The following PLCG2 variants were observed in gnomAD, a reference collection of about 807,000 sequenced individuals.
PLCG2 encodes the protein phospholipase C gamma 2, also known as 1-phosphatidylinositol 4,5-bisphosphate phosphodiesterase gamma-2.
Under a neutral mutation model 175.6 loss-of-function variants are expected in PLCG2, and 69 were observed. The ratio of observed to expected loss-of-function variants is 0.39; its 90% CI spans 0.32 to 0.48. PLCG2 has a LOEUF of 0.48. Ranked by LOEUF, PLCG2 falls within the 20% of genes least tolerant of loss-of-function variation. The pLI, the probability that PLCG2 is intolerant of heterozygous loss-of-function variation, is 0.91. For missense variants in PLCG2, 1,798 were observed against 1,650.9 expected, an observed-to-expected ratio of 1.09 and a Z score of -1.54; for synonymous variants, 827 against 624.0, an observed-to-expected ratio of 1.33 and a Z score of -4.85.
chr16:81,926,089 TG>T (rs35214525), intron 22 of PLCG2, among the ~76,000 whole-genome samples: 1 of 151,508 alleles, frequency 6.6e-6, no homozygotes, highest in African/African-American at 2.4e-5. Context: ...CTTAAATTAG[TG>T]GGGGGAAGTT....
chr16:81,850,132 A>G (rs2143458521), intron 2 of PLCG2, among the ~76,000 whole-genome samples: 1 of 152,340 alleles, frequency 6.6e-6, no homozygotes, highest in East Asian at 1.9e-4. Flanking sequence ...TATGCATTTT[A>G]TTTGTCTTCA....
intron 13 of PLCG2, among the ~76,000 whole-genome samples, chr16:81,899,131 A>G (rs912891176): frequency 6.6e-5 from 10 of 152,088 alleles, no homozygotes; most frequent in African/African-American, 1.9e-4. Flanking sequence ...GGAGGTTGCA[A>G]TGAGCTGAGG....
rs190687540 is a variant in PLCG2, at chr16:81,889,258, C to A, written c.852C>A (p.Phe284Leu). 15 of 1,596,834 alleles carry A rather than the reference C, an allele frequency of 9.4e-6. No individual in the cohort carries two copies. In the African/African-American group the frequency reaches 2.0e-4, roughly 22 times the overall value. Reference protein sequence around the residue: ...DDTMRETAEPFLFVDEFLTYL... With the variant: ...DDTMRETAEPLLFVDEFLTYL... The stretch of plus-strand genomic sequence containing the variant: ...CCATGCGTGAAACTGCTGAGCCTTT[C>A]TTGTTTGTGGATGAGGTGAGTAGGC... The change falls in exon 10 of 33, where the codon TTC (phenylalanine) becomes TTA (leucine). Residue 284 changes from phenylalanine (F) to leucine (L), a missense_variant. Phe to Leu is a conservative substitution (Grantham distance 22, BLOSUM62 0). Transcript: ENST00000564138.
chr16:81,850,500 T>C (rs1190519783), intron 2 of PLCG2, among the ~76,000 whole-genome samples: 1 of 152,140 alleles, frequency 6.6e-6, no homozygotes, highest in Admixed American at 6.5e-5. Flanking sequence ...TTACTGACCG[T>C]GCGTTCTTGG....
chr16:81,825,245 G>T (rs1904995828), intron 2 of PLCG2, among the ~76,000 whole-genome samples: 1 of 150,148 alleles, frequency 6.7e-6, no homozygotes, highest in Non-Finnish European at 1.5e-5. Flanking sequence ...TCCTATTACT[G>T]CTCTAATCTT....
At chr16:81,811,025 G>T (rs1038979001) in intron 2 of PLCG2, among the ~76,000 whole-genome samples, 2 of 152,168 alleles carry the variant, frequency 1.3e-5, no homozygotes, top group Non-Finnish European at 2.9e-5. Flanking sequence ...GCTGTGCTTT[G>T]TGGTCTAAGG....
chr16:81,810,223 C>T (rs927276717), intron 2 of PLCG2, among the ~76,000 whole-genome samples: 2 of 152,140 alleles, frequency 1.3e-5, no homozygotes, highest in Non-Finnish European at 2.9e-5. Context: ...TCTCTTGATT[C>T]TCGTGGCATG....
chr16:81,867,788 C>A (rs973973354), intron 5 of PLCG2, among the ~76,000 whole-genome samples: 2 of 152,108 alleles, frequency 1.3e-5, no homozygotes, highest in African/African-American at 4.8e-5. Flanking sequence ...AGCTCCGCCT[C>A]CCGAATTCAC....
intron 30 of PLCG2, among the ~76,000 whole-genome samples, chr16:81,942,656 G>C (rs1910991917): frequency 6.6e-6 from 1 of 152,112 alleles, no homozygotes. Context: ...CTGTGAAAGG[G>C]GTTTTATCTT....
At chr16:81,938,772 G>A (rs773588549) in intron 28 of PLCG2, 29 bp from the exon 29 acceptor site, 2 of 1,414,262 alleles carry the variant, frequency 1.4e-6, no homozygotes, top group Non-Finnish European at 2.0e-6. Flanking sequence ...ACCCCAGGGG[G>A]GTTCCAATGC....
chr16:81,916,216 T>C (rs1336645902), intron 19 of PLCG2, among the ~76,000 whole-genome samples: 1 of 152,096 alleles, frequency 6.6e-6, no homozygotes, highest in Non-Finnish European at 1.5e-5. Context: ...TAGCATTTTG[T>C]TTTTACAGGA....
At chr16:81,840,654 G>A (rs1025978857) in intron 2 of PLCG2, among the ~76,000 whole-genome samples, 6 of 152,134 alleles carry the variant, frequency 3.9e-5, no homozygotes, top group African/African-American at 1.2e-4. Context: ...AGAATCTAAC[G>A]CCGCTGATGA....
chr16:81,840,378 G>C (rs1905758013), intron 2 of PLCG2, among the ~76,000 whole-genome samples: 2 of 152,162 alleles, frequency 1.3e-5, no homozygotes, highest in Admixed American at 6.5e-5. Flanking sequence ...GGCCTGGGGG[G>C]ATAGTGTGAG....
At chr16:81,777,424 C>A (rs1461035558), upstream of PLCG2, among the ~76,000 whole-genome samples, 1 of 122,604 alleles carries the variant, frequency 8.2e-6, no homozygotes, top group Admixed American at 8.6e-5. Context: ...GAAATAAATA[C>A]AAGCTGAAGT....
At chr16:81,826,446 A>G (rs1567484494) in intron 2 of PLCG2, among the ~76,000 whole-genome samples, 1 of 152,214 alleles carries the variant, frequency 6.6e-6, no homozygotes, top group Non-Finnish European at 1.5e-5. Flanking sequence ...CTTGAGGTCA[A>G]AGTGCTCGAC....
chr16:81,905,033 G>A (rs537239807), intron 14 of PLCG2, among the ~76,000 whole-genome samples: 69 of 152,262 alleles, frequency 4.5e-4, no homozygotes, highest in Non-Finnish European at 6.3e-4. Context: ...GATTACAGGC[G>A]CGTGCCACCA....
chr16:81,895,880 T>C lies in PLCG2; in HGVS notation c.1146T>C (p.Phe382=), dbSNP rs138637229. 8.3e-3 allele frequency: 13,387 copies of C among 1,614,098 alleles called. 90 individuals carry two copies. The highest frequency in any genetic ancestry group is 9.1e-3 in the Non-Finnish European group (10,749 of 1,179,984). The change falls in exon 13 of 33, where the codon TTT becomes TTC. Residue 382 remains phenylalanine (F), a synonymous_variant. Coordinates refer to ENST00000564138, the MANE Select transcript of PLCG2 (RefSeq NM_002661.5). The stretch of plus-strand genomic sequence containing the variant: ...GGACGCGGACTACCAAGATCAAGTT[T>C]GACGACGTCGTGCAGGCCATCAAAG... ...HGWTRTTKIK[F]DDVVQAIKDH...
At chr16:81,885,145 G>A (rs1186681799) in intron 9 of PLCG2, among the ~76,000 whole-genome samples, 1 of 151,642 alleles carries the variant, frequency 6.6e-6, no homozygotes, top group Non-Finnish European at 1.5e-5. Flanking sequence ...TCCTGCCTCA[G>A]CCTCCCAAGT....
intron 9 of PLCG2, among the ~76,000 whole-genome samples, chr16:81,888,087 T>C (rs954747087): frequency 6.6e-6 from 1 of 152,246 alleles, no homozygotes; most frequent in Non-Finnish European, 1.5e-5. Context: ...GTATTGTTCC[T>C]GGGCCTCTGT....
Sources: gnomAD v4.1 joint callset for allele counts (sites outside exome capture counted in the v4.1 genomes callset) on GRCh38, gnomAD v4.1.1 for gene constraint, MANE v1.5 for transcripts, NCBI Gene and HGNC (gene_info 2026-07-23, HGNC 2026-07-21) for gene names.